Variants in WWOX observed in about 807,000 individuals in gnomAD.
The protein encoded by WWOX is WW domain-containing oxidoreductase.
Under a neutral mutation model 46.2 loss-of-function variants are expected in WWOX, and 69 were observed. The ratio of observed to expected loss-of-function variants is 1.49; its 90% CI spans 1.23 to 1.82. The LOEUF (loss-of-function observed/expected upper bound fraction) is 1.82, where lower values mean the gene tolerates loss of function less well. WWOX is among the 40% of genes most tolerant of loss of function. WWOX has a pLI of 0.00. For missense variants in WWOX, 919 were observed against 542.6 expected, an observed-to-expected ratio of 1.69 and a Z score of -6.89; for synonymous variants, 359 against 202.6, an observed-to-expected ratio of 1.77 and a Z score of -6.56.
At chr16:78,930,265 T>TCTGACCTA (rs1450824482) in intron 8 of WWOX, among the ~76,000 whole-genome samples, 2 of 124,628 alleles carry the variant, frequency 1.6e-5, no homozygotes, top group Non-Finnish European at 3.5e-5. Context: ...CTTCCTTCCT[T>TCTGACCTA]CCTTTCTCTC....
chr16:78,450,821 T>C (rs548936264), intron 8 of WWOX, among the ~76,000 whole-genome samples: 8 of 152,298 alleles, frequency 5.3e-5, no homozygotes, highest in Non-Finnish European at 7.3e-5. Flanking sequence ...AGATTTCCTC[T>C]AAGAAAGATC....
At chr16:78,921,885 C>T (rs774462198) in intron 8 of WWOX, among the ~76,000 whole-genome samples, 9 of 152,164 alleles carry the variant, frequency 5.9e-5, no homozygotes, top group African/African-American at 2.4e-5. Context: ...TTAGCAGAAG[C>T]TATTGTATTT....
chr16:78,756,808 C>T, intron 8 of WWOX: 1 of 560,132 alleles, frequency 1.8e-6, no homozygotes, highest in Non-Finnish European at 3.3e-6. Flanking sequence ...TCAGCATAGT[C>T]TTCTCGGACA....
chr16:78,206,347 C>A (rs939095339), intron 5 of WWOX, among the ~76,000 whole-genome samples: 22 of 151,262 alleles, frequency 1.5e-4, no homozygotes, highest in Non-Finnish European at 3.1e-4. Context: ...AATAAAGGAA[C>A]AACCATTAGA....
intron 8 of WWOX, among the ~76,000 whole-genome samples, chr16:78,659,708 C>G (rs187617770): frequency 4.5e-4 from 68 of 152,182 alleles, no homozygotes; most frequent in African/African-American, 1.6e-3. Flanking sequence ...TTTACCAGTG[C>G]CCAAAAGTCT....
intron 8 of WWOX, among the ~76,000 whole-genome samples, chr16:78,705,752 A>T (rs573766911): frequency 6.6e-6 from 1 of 152,204 alleles, no homozygotes; most frequent in Non-Finnish European, 1.5e-5. Context: ...TGTATGTACC[A>T]TCAGAGCACA....
intron 8 of WWOX, among the ~76,000 whole-genome samples, chr16:78,608,096 T>C (rs2045806217): frequency 6.6e-6 from 1 of 152,186 alleles, no homozygotes; most frequent in Non-Finnish European, 1.5e-5. Context: ...GCATTTGATA[T>C]GATGTGATGT....
rs576177030 is a variant in WWOX at position 78,173,722 on chromosome 16, C to A, written c.516+9433C>A. On this transcript the variant is annotated intron_variant, in intron 5 of 8. Transcript: ENST00000566780. Reference sequence around the variant, plus strand: ...GAAAGCTAACTTGTCCAATGCAGATCTGTAAAATATACTCATAAATCTTGT... The same window carrying A: ...GAAAGCTAACTTGTCCAATGCAGATATGTAAAATATACTCATAAATCTTGT... Among the ~76,000 whole-genome samples the A allele has an allele frequency of 7.9e-5, 12 of 152,280 alleles. No individual in the cohort carries two copies. The South Asian group carries it at 2.5e-3, about 32-fold the overall frequency.
At chr16:78,321,328 GTATATATGCGTATATATA>G (rs2080468428) in intron 5 of WWOX, among the ~76,000 whole-genome samples, 1 of 66,306 alleles carries the variant, frequency 1.5e-5, no homozygotes, top group Non-Finnish European at 2.6e-5. Flanking sequence ...ATATATATAC[GTATATATGCGTATATATA>G]TACGTATATA....
rs551686039 is a variant in WWOX at position 78,946,691 on chromosome 16, A to G, written c.1057-264917A>G. Among the ~76,000 whole-genome samples the G allele has an allele frequency of 8.5e-5, 13 of 152,152 alleles. No individual in the cohort carries two copies. In the South Asian group the frequency reaches 2.7e-3, roughly 32 times the overall value. ...CTGCAGACATGTTGCAGGCCTGGAA[A>G]ACTGTGTGGTGCGTCTGTTTTTCAG... On this transcript the variant is annotated intron_variant, in intron 8 of 8. Transcript: ENST00000566780.
chr16:78,113,999 T>A (rs1181173692), intron 3 of WWOX, among the ~76,000 whole-genome samples: 1 of 152,112 alleles, frequency 6.6e-6, no homozygotes, highest in Non-Finnish European at 1.5e-5. Flanking sequence ...TTTAAGATAT[T>A]CTGAGGTCTT....
chr16:78,690,785 A>G lies in WWOX; in HGVS notation c.1056+258033A>G, dbSNP rs17795367. On this transcript the variant is annotated intron_variant, in intron 8 of 8. Coordinates refer to ENST00000566780, the MANE Select transcript of WWOX (RefSeq NM_016373.4). ...ATTTAAGCACTGCCAGTGATTCTAT[A>G]TAAACCGTTCAGTAAAATGAATGGC... Among the ~76,000 whole-genome samples, 369 of 152,312 alleles carry G rather than the reference A, an allele frequency of 2.4e-3. 5 individuals carry two copies. The East Asian group carries it at 0.052, about 21-fold the overall frequency.
At chr16:78,658,493 T>C (rs1388621325) in intron 8 of WWOX, among the ~76,000 whole-genome samples, 1 of 152,128 alleles carries the variant, frequency 6.6e-6, no homozygotes. Context: ...TCTCACAGTT[T>C]TGGAGGCCAG....
chr16:78,998,913 A>C (rs752145405), intron 8 of WWOX, among the ~76,000 whole-genome samples: 3 of 152,208 alleles, frequency 2.0e-5, no homozygotes, highest in Non-Finnish European at 4.4e-5. Context: ...TTGCCTATGC[A>C]TGTATAAATG....
intron 8 of WWOX, among the ~76,000 whole-genome samples, chr16:78,807,913 T>C (rs536205472): frequency 6.6e-6 from 1 of 152,350 alleles, no homozygotes; most frequent in Admixed American, 6.5e-5. Flanking sequence ...CCTAACACAT[T>C]GGACAGCACG....
At chr16:78,587,330 G>T (rs569729763) in intron 8 of WWOX, among the ~76,000 whole-genome samples, 1 of 151,742 alleles carries the variant, frequency 6.6e-6, no homozygotes, top group Non-Finnish European at 1.5e-5. Context: ...ACTGCGTGAG[G>T]CCCAGTTAGT....
At chr16:78,158,468 C>T (rs1335710718) in intron 4 of WWOX, among the ~76,000 whole-genome samples, 4 of 145,914 alleles carry the variant, frequency 2.7e-5, no homozygotes, top group African/African-American at 9.9e-5. Context: ...TTTCCTCCCT[C>T]CCTCCCCTCC....
chr16:79,010,183 C>T (rs866111652), intron 8 of WWOX, among the ~76,000 whole-genome samples: 8 of 152,154 alleles, frequency 5.3e-5, no homozygotes, highest in South Asian at 4.1e-4. Context: ...ATTTACAAGG[C>T]TGGCTTCCCC....
At position 78,278,023 on chromosome 16, in the gene WWOX, C is replaced by T. The variant is rs138472195; in HGVS notation, c.517-108837C>T. ...TATGAAGTTGATGATGGGGTGTGAA[C>T]GGTGTGAGTGGGGGACAAAGCAATG... On this transcript the variant is annotated intron_variant, in intron 5 of 8. Transcript: ENST00000566780. 1.4e-4 allele frequency among the ~76,000 whole-genome samples: 22 copies of T among 152,138 alleles called. No individual in the cohort carries two copies. The East Asian group carries it at 2.7e-3, about 19-fold the overall frequency.
Sources: allele counts gnomAD v4.1 joint callset (sites outside exome capture counted in the v4.1 genomes callset), GRCh38; gene constraint gnomAD v4.1.1; transcripts MANE v1.5; gene names NCBI Gene and HGNC (gene_info 2026-07-23, HGNC 2026-07-21).